STK3: variants seen among roughly 807,000 people sequenced by gnomAD.
The protein encoded by STK3 is serine/threonine-protein kinase 3.
In STK3, 41 loss-of-function variants were observed where a neutral mutation model predicts 58.0. The ratio of observed to expected loss-of-function variants is 0.71; its 90% CI spans 0.55 to 0.92. The LOEUF is 0.92. Among genes scored for constraint, STK3 ranks in the 40% least tolerant of loss-of-function variants. The pLI is 0.00. For missense variants in STK3, 479 were observed against 602.7 expected, an observed-to-expected ratio of 0.79 and a Z score of 2.15; for synonymous variants, 170 against 191.0, an observed-to-expected ratio of 0.89 and a Z score of 0.91.
rs1206664059 is a variant in STK3, at chr8:98,616,859, AATGGGAG to A, written c.685-20697_685-20691del. Reference sequence around the variant, plus strand: ...GAGACTTAGACTCCCACACATTAATAATGGGAGACTTTAACACCCCACTGTCAACATT... The same window carrying A: ...GAGACTTAGACTCCCACACATTAATAACTTTAACACCCCACTGTCAACATT... On this transcript the variant is annotated intron_variant, in intron 6 of 10. Transcript: ENST00000419617. Among the ~76,000 whole-genome samples, 985 of 150,866 alleles carry A rather than the reference AATGGGAG, an allele frequency of 6.5e-3. 6 individuals are homozygous for A. Among genetic ancestry groups the A allele is most frequent in the African/African-American group, 0.022 (925 of 41,252 alleles).
chr8:98,778,106 G>A (rs1473505553), intron 1 of STK3, among the ~76,000 whole-genome samples: 1 of 152,058 alleles, frequency 6.6e-6, no homozygotes, highest in Non-Finnish European at 1.5e-5. Context: ...TACAGAATGG[G>A]AGAAAATTTT....
chr8:98,803,611 A>G (rs1479919251), intron 1 of STK3, among the ~76,000 whole-genome samples: 4 of 147,644 alleles, frequency 2.7e-5, no homozygotes, highest in Admixed American at 1.3e-4. Flanking sequence ...AAAAAAAAGA[A>G]AAAAAAAGAA....
intron 4 of STK3, among the ~76,000 whole-genome samples, chr8:98,707,999 C>T (rs1332905917): frequency 2.0e-5 from 3 of 151,854 alleles, no homozygotes; most frequent in African/African-American, 7.3e-5. Context: ...ATTAGCCAGG[C>T]GTGATGGCGT....
chr8:98,652,977 C>G (rs150797627), intron 6 of STK3, among the ~76,000 whole-genome samples: 4 of 152,128 alleles, frequency 2.6e-5, no homozygotes, highest in Non-Finnish European at 5.9e-5. Context: ...CTGCACCAAG[C>G]GGAACTAATA....
the STK3 span, among the ~76,000 whole-genome samples, chr8:98,350,132 C>T: frequency 2.0e-5 from 3 of 152,184 alleles, no homozygotes; most frequent in East Asian, 5.8e-4. Flanking sequence ...GCACCCAAGT[C>T]ACCTCTTGAA....
chr8:98,843,386 T>A (rs1184694946), intron 3 of STK3, among the ~76,000 whole-genome samples: 2 of 152,226 alleles, frequency 1.3e-5, no homozygotes, highest in Non-Finnish European at 2.9e-5. Flanking sequence ...GGCTCAGTAC[T>A]GACATGAAAG....
intron 1 of STK3, among the ~76,000 whole-genome samples, chr8:98,929,024 G>T (rs1222612362): frequency 6.6e-6 from 1 of 152,254 alleles, no homozygotes; most frequent in Non-Finnish European, 1.5e-5. Flanking sequence ...CCAGTACTTT[G>T]GGAGGCCAAG....
intron 8 of STK3, among the ~76,000 whole-genome samples, chr8:98,578,890 C>A (rs1039346119): frequency 6.6e-6 from 1 of 152,144 alleles, no homozygotes; most frequent in Non-Finnish European, 1.5e-5. Context: ...GTGGCTCACA[C>A]CTGTAATCCC....
rs1334659400 is a variant in STK3, at chr8:98,819,772, A to C, written c.26+5743T>G. Among the ~76,000 whole-genome samples, 3 of 152,262 alleles carry C rather than the reference A, an allele frequency of 2.0e-5. No homozygotes were observed. In the East Asian group the frequency reaches 5.8e-4, roughly 29 times the overall value. Reference sequence around the variant, plus strand: ...TTTAGTCAATCTCTCTGATATACACACAATTTTACTTTCCAACATTCCAAG... The same window carrying C: ...TTTAGTCAATCTCTCTGATATACACCCAATTTTACTTTCCAACATTCCAAG... On this transcript the variant is annotated intron_variant, in intron 1 of 10. Coordinates refer to ENST00000419617, the MANE Select transcript of STK3 (RefSeq NM_006281.4).
rs1447452769 is a variant in STK3 at position 98,825,578 on chromosome 8, GAAGGCCGA to G, written c.-46_-39del. On this transcript the variant is annotated 5_prime_UTR_variant, in exon 1 of 11. Coordinates refer to ENST00000419617, the MANE Select transcript of STK3 (RefSeq NM_006281.4). ...CAGAGAGAGGGACCTGGTGGACGGC[GAAGGCCGA>G]AAGGAGGAAAGGAGCCGGGGCACCG... 1 of 1,442,060 alleles carries G rather than the reference GAAGGCCGA, an allele frequency of 6.9e-7. No homozygotes were observed. The highest frequency in any genetic ancestry group is 2.7e-5 in the Admixed American group (1 of 36,562). 89.3% of individuals were successfully genotyped at this position (1,442,060 alleles called of 1,614,324 possible). A position where few individuals can be genotyped will look rare whatever the true frequency, so the allele number is the denominator to read the frequency against.
Position 98,891,771 on chromosome 8 carries a change from T to C in STK3, c.-78-7937A>G, listed in dbSNP as rs563764693. Among the ~76,000 whole-genome samples, 10 of 152,234 alleles carry C rather than the reference T, an allele frequency of 6.6e-5. No homozygotes were observed. In the East Asian group the frequency reaches 1.9e-3, roughly 29 times the overall value. ...TAAACAGGAGGCGGGAAGAATGGGA[T>C]CTAGAGGGAATAGAGATTGCATAAA... On this transcript the variant is annotated intron_variant, in intron 1 of 1. Coordinates refer to the STK3 transcript ENST00000519420.
intron 6 of STK3, among the ~76,000 whole-genome samples, chr8:98,706,225 A>G (rs1825952297): frequency 6.6e-6 from 1 of 152,208 alleles, no homozygotes; most frequent in Non-Finnish European, 1.5e-5. Flanking sequence ...TTTTACAAGT[A>G]TATTTTTGGG....
chr8:98,386,475 G>T (rs964231854), intron 1 of STK3, among the ~76,000 whole-genome samples: 4 of 152,180 alleles, frequency 2.6e-5, no homozygotes, highest in Admixed American at 2.6e-4. Context: ...GTGGGGAAAG[G>T]CAGAGAATAC....
chr8:98,605,506 G>C (rs554514973), intron 6 of STK3, among the ~76,000 whole-genome samples: 16 of 149,156 alleles, frequency 1.1e-4, no homozygotes, highest in African/African-American at 3.5e-4. Context: ...GCATGATCTC[G>C]GCTCACTGCA....
chr8:98,604,667 G>C (rs1816632541), intron 6 of STK3, among the ~76,000 whole-genome samples: 1 of 152,156 alleles, frequency 6.6e-6, no homozygotes, highest in South Asian at 2.1e-4. Context: ...CTCAACTGTT[G>C]CCTTCCTTTT....
chr8:98,686,710 G>A (rs903167870), intron 6 of STK3, among the ~76,000 whole-genome samples: 7 of 152,172 alleles, frequency 4.6e-5, no homozygotes, highest in African/African-American at 1.7e-4. Context: ...AGATTTGAAA[G>A]ACGGCACAGT....
At chr8:98,901,736 G>T (rs1437792232) in intron 1 of STK3, among the ~76,000 whole-genome samples, 2 of 152,230 alleles carry the variant, frequency 1.3e-5, no homozygotes, top group Non-Finnish European at 2.9e-5. Flanking sequence ...AGGCAGCTGG[G>T]GAGGTCAGGG....
At chr8:98,651,861 G>A (rs945842619) in intron 6 of STK3, 1 of 152,158 alleles carries the variant, frequency 6.6e-6, no homozygotes, top group African/African-American at 2.4e-5. Flanking sequence ...TCTGATTGGT[G>A]TACCTGAAAG....
chr8:98,450,522 T>C (rs924025394), downstream of STK3, among the ~76,000 whole-genome samples: 12 of 152,186 alleles, frequency 7.9e-5, no homozygotes, highest in African/African-American at 2.2e-4. Context: ...TGAACCCAGA[T>C]CATTTAATTT....
Sources: gnomAD v4.1 joint callset for allele counts (sites outside exome capture counted in the v4.1 genomes callset) on GRCh38, gnomAD v4.1.1 for gene constraint, MANE v1.5 for transcripts, NCBI Gene and HGNC (gene_info 2026-07-23, HGNC 2026-07-21) for gene names.